Variants in EPB41 observed in about 807,000 individuals in gnomAD.
EPB41 encodes erythrocyte membrane protein band 4.1, also known as protein 4.1.
Under a neutral mutation model 108.0 loss-of-function variants are expected in EPB41, and 65 were observed. The ratio of observed to expected loss-of-function variants is 0.60; its 90% CI spans 0.49 to 0.74. The LOEUF (loss-of-function observed/expected upper bound fraction) is 0.74. Ranked by LOEUF, EPB41 falls within the 30% of genes least tolerant of loss-of-function variation. EPB41 has a pLI of 0.00. For synonymous variants in EPB41, 336 were observed against 358.9 expected, an observed-to-expected ratio of 0.94 and a Z score of 0.72; for missense variants, 875 against 1,037.0, an observed-to-expected ratio of 0.84 and a Z score of 2.15.
chr1:29,100,772 T>A (rs1489910193), intron 17 of EPB41, among the ~76,000 whole-genome samples: 1 of 146,828 alleles, frequency 6.8e-6, no homozygotes, highest in African/African-American at 2.5e-5. Flanking sequence ...ATAATATATA[T>A]AATATATATA....
chr1:28,950,383 C>T (rs1249672889), intron 1 of EPB41, among the ~76,000 whole-genome samples: 1 of 152,148 alleles, frequency 6.6e-6, no homozygotes, highest in Non-Finnish European at 1.5e-5. Flanking sequence ...AGCAGTAAGT[C>T]GTTTTGTCTT....
intron 1 of EPB41, among the ~76,000 whole-genome samples, chr1:28,981,279 T>C (rs932734751): frequency 3.9e-5 from 6 of 152,198 alleles, no homozygotes; most frequent in African/African-American, 1.2e-4. Flanking sequence ...ACAACATATA[T>C]GCATAACACA....
At chr1:29,006,234 AT>A (rs34223507) in intron 4 of EPB41, among the ~76,000 whole-genome samples, 20,816 of 130,382 alleles carry the variant, frequency 0.16, 1,252 homozygotes, top group East Asian at 0.41. Flanking sequence ...ATCCCAAAGA[AT>A]TTTTTTTTTT....
chr1:29,106,563 G>GTTTTTT (rs1558324414), intron 17 of EPB41, among the ~76,000 whole-genome samples: 6 of 37,144 alleles, frequency 1.6e-4, no homozygotes, highest in African/African-American at 2.1e-4. Flanking sequence ...GAGTAGCTGG[G>GTTTTTT]ATTTTTTTTT....
chr1:29,067,495 CAAAAAAAA>C (rs71022390), intron 16 of EPB41, among the ~76,000 whole-genome samples: 8 of 25,614 alleles, frequency 3.1e-4, no homozygotes, highest in African/African-American at 1.4e-3. Flanking sequence ...GACTCTGTCT[CAAAAAAAA>C]AAAAAAAAAA....
At chr1:28,916,155 A>G (rs2092651304) in intron 1 of EPB41, among the ~76,000 whole-genome samples, 2 of 152,228 alleles carry the variant, frequency 1.3e-5, no homozygotes, top group Admixed American at 6.5e-5. Context: ...CGTACATGCT[A>G]TCTGGCGTAC....
chr1:28,915,567 T>A (rs2092571479), intron 1 of EPB41, among the ~76,000 whole-genome samples: 1 of 152,168 alleles, frequency 6.6e-6, no homozygotes, highest in African/African-American at 2.4e-5. Context: ...AACAGATTGC[T>A]GATGGACTGG....
chr1:29,011,612 GA>G (rs1204182633), intron 4 of EPB41, among the ~76,000 whole-genome samples: 1 of 152,214 alleles, frequency 6.6e-6, no homozygotes, highest in African/African-American at 2.4e-5. Flanking sequence ...TTGTATAGAT[GA>G]GGAAACTGAG....
In EPB41 at chr1:28,982,635, C is replaced by T. The variant is rs189906540; in HGVS notation, c.-7-4796C>T. 8.7e-3 allele frequency: 8,480 copies of T among 977,354 alleles called. 52 individuals carry two copies. Among genetic ancestry groups the T allele is most frequent in the Non-Finnish European group, 0.012 (7,492 of 610,516 alleles). 60.5% of individuals were successfully genotyped at this position (977,354 alleles called of 1,614,324 possible). A position where few individuals can be genotyped will look rare whatever the true frequency, so the allele number is the denominator to read the frequency against. On this transcript the variant is annotated intron_variant, in intron 1 of 20. Coordinates refer to ENST00000343067, the MANE Select transcript of EPB41 (RefSeq NM_001376013.1). ...TTTCGGCAGCAACCACTCGGGCCTA[C>T]AGCAAAAAGCCCATCATGGTTTTTG...
intron 5 of EPB41, among the ~76,000 whole-genome samples, chr1:29,014,891 A>T (rs560301092): frequency 3.3e-5 from 5 of 152,294 alleles, no homozygotes; most frequent in African/African-American, 1.2e-4. Context: ...TATGCCTGTA[A>T]TCCCAGCACT....
chr1:29,055,930 CAAAAAAA>C (rs35702090), intron 12 of EPB41, among the ~76,000 whole-genome samples: 4 of 59,390 alleles, frequency 6.7e-5, no homozygotes, highest in African/African-American at 2.4e-4. Flanking sequence ...AAGACTGTCT[CAAAAAAA>C]AAAAAAAAAA....
rs1309381471 is a variant in EPB41, at chr1:28,993,438, G to A, written c.577G>A (p.Ala193Thr). 1.9e-6 allele frequency: 3 copies of A among 1,614,016 alleles called. No individual in the cohort carries two copies. The highest frequency in any genetic ancestry group is 1.1e-5 in the South Asian group (1 of 91,064). Residue 193 changes from alanine to threonine, a missense_variant, in exon 3 of 21, where the codon GCA becomes ACA. Physicochemically the swap from Ala to Thr is moderately conservative, Grantham distance 58 (BLOSUM62 0). Coordinates refer to ENST00000343067, the MANE Select transcript of EPB41 (RefSeq NM_001376013.1). ...EVKEESPQSK[A>T]ETELKASQKP... ...AAAAGAAGAAAGCCCTCAATCAAAAGCAGAAACAGAATTAAAAGCTTCCCA... is the reference window on the plus strand; with the variant it reads ...AAAAGAAGAAAGCCCTCAATCAAAAACAGAAACAGAATTAAAAGCTTCCCA...
chr1:28,972,105 T>C (rs996003503), intron 1 of EPB41, among the ~76,000 whole-genome samples: 8 of 152,142 alleles, frequency 5.3e-5, no homozygotes, highest in African/African-American at 1.9e-4. Context: ...GTATCCTTTG[T>C]AGAGATAAGG....
intron 12 of EPB41, among the ~76,000 whole-genome samples, chr1:29,056,183 G>A (rs575004060): frequency 2.7e-5 from 4 of 148,888 alleles, no homozygotes; most frequent in African/African-American, 5.0e-5. Flanking sequence ...GCAGTGAGCC[G>A]AGATCGCGCC....
chr1:28,914,469 C>A (rs35954696), upstream of EPB41: 2 of 152,384 alleles, frequency 1.3e-5, no homozygotes, highest in Non-Finnish European at 2.9e-5. Context: ...TCCTTCCCTC[C>A]GGCGCGGCCC....
In EPB41 at chr1:29,118,815, C is replaced by T. The variant is rs1394921207; in HGVS notation, c.*2003C>T. 1 of 152,196 alleles carries T rather than the reference C, an allele frequency of 6.6e-6. No homozygotes were observed. The highest frequency in any genetic ancestry group is 1.5e-5 in the Non-Finnish European group (1 of 68,082). The allele number at this position is 152,196 out of a possible 1,614,324, so 9.4% of individuals were successfully genotyped here. A position where few individuals can be genotyped will look rare whatever the true frequency, so the allele number is the denominator to read the frequency against. Reference sequence around the variant, plus strand: ...CTGAAAGGTGGGCTTTGGGGTAGTGCCCAAGCCTGGTCGTGTTGCCAGGAG... The same window carrying T: ...CTGAAAGGTGGGCTTTGGGGTAGTGTCCAAGCCTGGTCGTGTTGCCAGGAG... On this transcript the variant is annotated 3_prime_UTR_variant, in exon 21 of 21. Coordinates refer to ENST00000343067, the MANE Select transcript of EPB41 (RefSeq NM_001376013.1).
At chr1:28,931,799 G>T (rs548345469) in intron 1 of EPB41, among the ~76,000 whole-genome samples, 3 of 152,190 alleles carry the variant, frequency 2.0e-5, no homozygotes, top group African/African-American at 7.2e-5. Context: ...CTCCCAAAGT[G>T]CTAGGATTAC....
chr1:28,902,841 C>T (rs1351022889), intron 1 of EPB41, among the ~76,000 whole-genome samples: 1 of 152,166 alleles, frequency 6.6e-6, no homozygotes, highest in African/African-American at 2.4e-5. Flanking sequence ...AGGCATGTCA[C>T]TGCCTCTTGT....
intron 1 of EPB41, among the ~76,000 whole-genome samples, chr1:28,967,430 G>A (rs2095387008): frequency 6.6e-6 from 1 of 152,158 alleles, no homozygotes; most frequent in Admixed American, 6.5e-5. Flanking sequence ...GAATGATGAG[G>A]AACTGGTAAA....
Sources: allele counts gnomAD v4.1 joint callset (sites outside exome capture counted in the v4.1 genomes callset), GRCh38; gene constraint gnomAD v4.1.1; transcripts MANE v1.5; gene names NCBI Gene and HGNC (gene_info 2026-07-23, HGNC 2026-07-21).